NEK3: variants seen among roughly 807,000 people sequenced by gnomAD.
NEK3 encodes serine/threonine-protein kinase Nek3.
Under a neutral mutation model 66.0 loss-of-function variants are expected in NEK3, and 54 were observed. That is an observed-to-expected ratio of 0.82 (90% CI 0.66 to 1.03). The LOEUF is 1.03. NEK3 is among the 50% of genes least tolerant of loss of function. The pLI is 0.00. For missense variants in NEK3, 593 were observed against 603.0 expected, an observed-to-expected ratio of 0.98 and a Z score of 0.17; for synonymous variants, 200 against 206.2, an observed-to-expected ratio of 0.97 and a Z score of 0.26.
At position 52,132,892 on chromosome 13, in the gene NEK3, T is replaced by C. The variant is rs1956165190; in HGVS notation, c.*250A>G. ...GCACGCTAGCATCCCATTTCTGTTC[T>C]ATGGGACTGCAAAGCCCGATGCTCA... On this transcript the variant is annotated 3_prime_UTR_variant, in exon 16 of 16. Coordinates refer to ENST00000610828, the MANE Select transcript of NEK3 (RefSeq NM_002498.3). 2 of 413,766 alleles carry C rather than the reference T, an allele frequency of 4.8e-6. No individual in the cohort carries two copies. The highest frequency in any genetic ancestry group is 7.4e-5 in the Admixed American group (2 of 27,146). The allele number at this position is 413,766 out of a possible 1,614,324, so 25.6% of individuals were successfully genotyped here. A position where few individuals can be genotyped will look rare whatever the true frequency, so the allele number is the denominator to read the frequency against.
At chr13:52,136,739 C>A in intron 12 of NEK3, 61 bp downstream of exon 12, 2 of 1,002,254 alleles carry the variant, frequency 2.0e-6, no homozygotes, top group South Asian at 1.7e-5. Context: ...GACCTAGTAA[C>A]ATAAAAATTG....
intron 10 of NEK3, among the ~76,000 whole-genome samples, chr13:52,142,790 T>C (rs894146428): frequency 3.9e-5 from 6 of 152,242 alleles, no homozygotes; most frequent in Admixed American, 1.3e-4. Flanking sequence ...CACTTCTTAA[T>C]TCTTCTCCTG....
intron 11 of NEK3, among the ~76,000 whole-genome samples, chr13:52,139,299 A>G (rs1293848847): frequency 1.3e-5 from 2 of 152,236 alleles, no homozygotes; most frequent in African/African-American, 4.8e-5. Context: ...GCCAGACATA[A>G]AAGGACAAAT....
chr13:52,143,881 C>A, intron 10 of NEK3, 34 bp downstream of exon 10: 1 of 1,045,424 alleles, frequency 9.6e-7, no homozygotes, highest in South Asian at 1.4e-5. Context: ...TTTAAAAGAG[C>A]ACTTAACAAA....
In NEK3 at chr13:52,153,918, C is replaced by T. The variant is rs1489152107; in HGVS notation, c.286G>A (p.Gly96Arg). 6.2e-7 allele frequency: 1 copy of T among 1,612,194 alleles called. No homozygotes were observed. Among genetic ancestry groups the T allele is most frequent in the Non-Finnish European group, 8.5e-7 (1 of 1,178,672 alleles). ...ACCATGTCTTCAGGAAATAACTTTCCTTTCTGCTGTTTAATCTTTTGCATT... is the reference window on the plus strand; with the variant it reads ...ACCATGTCTTCAGGAAATAACTTTCTTTTCTGCTGTTTAATCTTTTGCATT... The part of the protein sequence containing the change: ...DLMQKIKQQK[G>R]KLFPEDMILN... Residue 96 changes from glycine (G) to arginine (R), a missense_variant, in exon 4 of 16, where the codon GGA becomes AGA. Physicochemically the swap from Gly to Arg is moderately radical, Grantham distance 125. Coordinates refer to ENST00000610828, the MANE Select transcript of NEK3 (RefSeq NM_002498.3).
intron 7 of NEK3, 125 bp from the exon 8 acceptor site, chr13:52,148,594 T>TCC: frequency 1.3e-6 from 1 of 775,434 alleles, no homozygotes; most frequent in Non-Finnish European, 2.1e-6. Context: ...ACATATAATG[T>TCC]TGGTCTAACA....
At chr13:52,155,376 G>A (rs1235443736) in intron 2 of NEK3, among the ~76,000 whole-genome samples, 2 of 152,154 alleles carry the variant, frequency 1.3e-5, no homozygotes, top group Non-Finnish European at 2.9e-5. Flanking sequence ...AGGTTTACTG[G>A]TACCAAAGGT....
intron 8 of NEK3, 61 bp from the exon 9 acceptor site, chr13:52,144,952 AC>A: frequency 9.3e-7 from 1 of 1,072,334 alleles, no homozygotes; most frequent in Non-Finnish European, 1.4e-6. Context: ...GCAAGAAACT[AC>A]CAGTTATGTA....
Position 52,156,063 on chromosome 13 carries a change from T to G in NEK3, c.117+12A>C. On this transcript the variant is annotated intron_variant, in intron 2 of 15. Coordinates refer to ENST00000610828, the MANE Select transcript of NEK3 (RefSeq NM_002498.3). ...TATACTTTCAAAGTGAGCTAATTTC[T>G]TTAGTAGTGACCTTGGGAAGCCTTA... 2.6e-6 allele frequency: 4 copies of G among 1,532,826 alleles called. No individual in the cohort carries two copies. The highest frequency in any genetic ancestry group is 3.6e-6 in the Non-Finnish European group (4 of 1,118,934). The allele number at this position is 1,532,826 out of a possible 1,614,324, so 95.0% of individuals were successfully genotyped here.
In NEK3 at chr13:52,151,318, T is replaced by A. The variant is rs575392644; in HGVS notation, c.461+7A>T. ...TACTGTCACTACCGTAGAACAGACA[T>A]ACATACTTGGAGAGAAGACGGGCAG... On this transcript the variant is annotated splice_region_variant and intron_variant, in intron 6 of 15. Transcript: ENST00000610828. The A allele has an allele frequency of 6.3e-7, 1 of 1,598,452 alleles. No homozygotes were observed. Among genetic ancestry groups the A allele is most frequent in the African/African-American group, 1.3e-5 (1 of 74,860 alleles).
At chr13:52,137,176 T>C (rs1956213407) in intron 11 of NEK3, among the ~76,000 whole-genome samples, 1 of 152,092 alleles carries the variant, frequency 6.6e-6, no homozygotes, top group South Asian at 2.1e-4. Context: ...ATTATAAATA[T>C]GAAGAGGATA....
At chr13:52,159,778 C>T (rs1956429419), upstream of NEK3, 1 of 152,282 alleles carries the variant, frequency 6.6e-6, no homozygotes, top group Non-Finnish European at 1.5e-5. Flanking sequence ...TAACTGAGTT[C>T]TGTCTGCAGG....
chr13:52,153,648 G>C lies in NEK3; in HGVS notation c.309+247C>G, dbSNP rs112630764. On this transcript the variant is annotated intron_variant, in intron 4 of 15. Transcript: ENST00000610828. ...GTACAAAATTTGGTGATACGATCTTGAAATTATTCTAAACATGAAAGTTTT... is the reference window on the plus strand; with the variant it reads ...GTACAAAATTTGGTGATACGATCTTCAAATTATTCTAAACATGAAAGTTTT... Among the ~76,000 whole-genome samples the C allele has an allele frequency of 4.6e-3, 703 of 152,112 alleles. 5 individuals carry two copies. The highest frequency in any genetic ancestry group is 0.015 in the African/African-American group (633 of 41,516).
chr13:52,145,438 G>T (rs1345455609), intron 8 of NEK3, among the ~76,000 whole-genome samples: 1 of 151,814 alleles, frequency 6.6e-6, no homozygotes, highest in African/African-American at 2.4e-5. Context: ...CAAATAGCTG[G>T]GACTACAGGC....
At chr13:52,147,737 C>T (rs1190913969) in intron 8 of NEK3, among the ~76,000 whole-genome samples, 1 of 151,800 alleles carries the variant, frequency 6.6e-6, no homozygotes, top group African/African-American at 2.4e-5. Context: ...TTTGGGAGGC[C>T]GAGGCGAGTG....
Position 52,144,735 on chromosome 13 carries a change from G to A in NEK3, c.760C>T (p.Arg254Ter), listed in dbSNP as rs372921273. Residue 254 changes from arginine to a stop codon, truncating the protein, a stop_gained, in exon 9 of 16, where the codon CGA (arginine) becomes TGA (stop). Coordinates refer to ENST00000610828, the MANE Select transcript of NEK3 (RefSeq NM_002498.3). LOFTEE classifies it high-confidence loss of function. ...HRPSATTLLS[R>*]GIVARLVQKC... is the part of the protein sequence containing the mutation. ...TGGACAAGCCGAGCTACGATGCCTCGAGAGAGAAGCGTTGTAGCCGAGGGG... is the reference window on the plus strand; with the variant it reads ...TGGACAAGCCGAGCTACGATGCCTCAAGAGAGAAGCGTTGTAGCCGAGGGG... 17 of 1,613,742 alleles carry A rather than the reference G, an allele frequency of 1.1e-5. No homozygotes were observed. The highest frequency in any genetic ancestry group is 4.5e-5 in the East Asian group (2 of 44,860).
chr13:52,149,767 G>T (rs1956326209), intron 7 of NEK3, among the ~76,000 whole-genome samples: 1 of 151,870 alleles, frequency 6.6e-6, no homozygotes, highest in Non-Finnish European at 1.5e-5. Flanking sequence ...TACTCAGGAA[G>T]CTGAGGCAGG....
Position 52,156,132 on chromosome 13 carries a change from CA to C in NEK3, c.59del (p.Leu20TrpfsTer13). On this transcript the variant is annotated frameshift_variant, in exon 2 of 16. Coordinates refer to ENST00000610828, the MANE Select transcript of NEK3 (RefSeq NM_002498.3). LOFTEE classifies it high-confidence loss of function. ...TCTGATTACTGCTTTCATGCTGAAC[CA>C]AAAGAGCTCTGCCGAAGGAGCCCTC... ...IGEGSFGRAL[L>X]VQHESSNQMF... is the part of the protein sequence containing the mutation. The C allele has an allele frequency of 1.2e-6, 2 of 1,608,100 alleles. No individual in the cohort carries two copies. The highest frequency in any genetic ancestry group is 1.7e-6 in the Non-Finnish European group (2 of 1,177,154).
chr13:52,133,531 G>A (rs1409164380), intron 15 of NEK3, among the ~76,000 whole-genome samples, 158 bp downstream of exon 15: 1 of 151,792 alleles, frequency 6.6e-6, no homozygotes, highest in African/African-American at 2.4e-5. Context: ...CCAGACAAAA[G>A]ATCAGGATAT....
Sources: gnomAD v4.1 joint callset for allele counts (sites outside exome capture counted in the v4.1 genomes callset) on GRCh38, gnomAD v4.1.1 for gene constraint, MANE v1.5 for transcripts, NCBI Gene and HGNC (gene_info 2026-07-23, HGNC 2026-07-21) for gene names.